Variants in NOS1AP observed in about 807,000 individuals in gnomAD.
NOS1AP encodes nitric oxide synthase 1 adaptor protein.
In NOS1AP, 21 loss-of-function variants were observed where a neutral mutation model predicts 56.2. That is an observed-to-expected ratio of 0.37 (90% CI 0.26 to 0.54). The LOEUF (loss-of-function observed/expected upper bound fraction) is 0.54. Ranked by LOEUF, NOS1AP falls within the 20% of genes least tolerant of loss-of-function variation. NOS1AP has a pLI of 0.84. For synonymous variants in NOS1AP, 270 were observed against 274.6 expected (o/e 0.98, Z 0.17); for missense variants, 522 against 657.8 (o/e 0.79, Z 2.26).
chr1:162,130,467 A>G (rs753192315), intron 1 of NOS1AP, among the ~76,000 whole-genome samples: 5 of 152,222 alleles, frequency 3.3e-5, no homozygotes, highest in African/African-American at 7.2e-5. Context: ...GGTGTTGAGC[A>G]TTCAGCTGCC....
At chr1:162,240,877 C>T (rs528831294) in intron 2 of NOS1AP, among the ~76,000 whole-genome samples, 7 of 152,272 alleles carry the variant, frequency 4.6e-5, no homozygotes, top group South Asian at 4.1e-4. Context: ...GGGATACAGA[C>T]GTGTCAAGGG....
At chr1:162,098,461 C>A (rs1180393621) in intron 1 of NOS1AP, among the ~76,000 whole-genome samples, 1 of 150,848 alleles carries the variant, frequency 6.6e-6, no homozygotes, top group African/African-American at 2.4e-5. Context: ...TTTGTAGGTG[C>A]CTTACAGTTT....
At chr1:162,317,302 G>A (rs1271367019) in intron 4 of NOS1AP, 2 of 152,296 alleles carry the variant, frequency 1.3e-5, no homozygotes, top group Non-Finnish European at 2.9e-5. Flanking sequence ...GGCCAGTGGT[G>A]TGTCCTCAGA....
At chr1:162,125,454 G>A (rs983990469) in intron 1 of NOS1AP, among the ~76,000 whole-genome samples, 1 of 152,080 alleles carries the variant, frequency 6.6e-6, no homozygotes, top group African/African-American at 2.4e-5. Context: ...TTTATATATG[G>A]TGAGAGATAG....
chr1:162,221,758 G>A (rs991993555), intron 2 of NOS1AP, among the ~76,000 whole-genome samples: 1 of 152,144 alleles, frequency 6.6e-6, no homozygotes, highest in Non-Finnish European at 1.5e-5. Flanking sequence ...ATTTAACACA[G>A]TATTTGGAAT....
rs144638420 is a variant in NOS1AP, at chr1:162,170,873, AG to A, written c.177+16399del. 2.2e-3 allele frequency among the ~76,000 whole-genome samples: 333 copies of A among 151,864 alleles called. 3 individuals are homozygous for A. Among genetic ancestry groups the A allele is most frequent in the African/African-American group, 7.5e-3 (311 of 41,392 alleles). ...AGAATCGCTTGAACCAGGGAGGCGG[AG>A]GTTGCAGTGAGCTGAGATTGTGCCA... On this transcript the variant is annotated intron_variant, in intron 2 of 9. Coordinates refer to ENST00000361897, the MANE Select transcript of NOS1AP (RefSeq NM_014697.3).
intron 1 of NOS1AP, among the ~76,000 whole-genome samples, chr1:162,104,162 A>C (rs1558100140): frequency 6.6e-6 from 1 of 152,176 alleles, no homozygotes; most frequent in Non-Finnish European, 1.5e-5. Flanking sequence ...TCCTTTGCGT[A>C]TGAAGCTTAG....
chr1:162,109,548 A>C (rs886821563), intron 1 of NOS1AP, among the ~76,000 whole-genome samples: 2 of 152,190 alleles, frequency 1.3e-5, no homozygotes, highest in Non-Finnish European at 2.9e-5. Context: ...GTGGTGACTG[A>C]AACTGAGTAA....
At chr1:162,339,574 T>G (rs12048687) in intron 5 of NOS1AP, among the ~76,000 whole-genome samples, 42,144 of 152,064 alleles carry the variant, frequency 0.28, 6,243 homozygotes, top group East Asian at 0.53. Flanking sequence ...GAGCAACTGC[T>G]TCACTGTGAT....
rs576555788 is a variant in NOS1AP at position 162,171,810 on chromosome 1, C to T, written c.177+17334C>T. ...TCTCTTCTCTCTTGTCATGCTTCTC[C>T]TCATGGCCATAGAACAACCAGCTGT... On this transcript the variant is annotated intron_variant, in intron 2 of 9. Coordinates refer to ENST00000361897, the MANE Select transcript of NOS1AP (RefSeq NM_014697.3). Among the ~76,000 whole-genome samples the T allele has an allele frequency of 2.6e-5, 4 of 152,260 alleles. 1 individual carries two copies. In the East Asian group the frequency reaches 7.7e-4, roughly 29 times the overall value.
At chr1:162,159,985 C>T (rs983196649) in intron 2 of NOS1AP, among the ~76,000 whole-genome samples, 29 of 152,134 alleles carry the variant, frequency 1.9e-4, no homozygotes, top group African/African-American at 6.0e-4. Flanking sequence ...CAGTGCTGTC[C>T]GTGAGGCTGG....
intron 2 of NOS1AP, among the ~76,000 whole-genome samples, chr1:162,228,542 C>T (rs1394120801): frequency 6.6e-5 from 10 of 152,198 alleles, no homozygotes; most frequent in Admixed American, 2.0e-4. Flanking sequence ...GTTCAAGACT[C>T]GCCAAGGAGG....
intron 2 of NOS1AP, among the ~76,000 whole-genome samples, chr1:162,284,597 G>GC (rs34802488): frequency 0.65 from 98,910 of 152,060 alleles, 32,764 homozygotes; most frequent in Non-Finnish European, 0.73. Context: ...CAGTGACTGT[G>GC]CCCACAGACC....
chr1:162,196,820 T>A (rs1046777517), intron 2 of NOS1AP, among the ~76,000 whole-genome samples: 2 of 152,252 alleles, frequency 1.3e-5, no homozygotes, highest in Non-Finnish European at 2.9e-5. Flanking sequence ...TGCCTGGCAC[T>A]TGGCAGATGG....
At chr1:162,210,079 G>C (rs1444283542) in intron 2 of NOS1AP, among the ~76,000 whole-genome samples, 5 of 152,194 alleles carry the variant, frequency 3.3e-5, no homozygotes, top group Non-Finnish European at 5.9e-5. Context: ...CTTGTGAAAG[G>C]AGAAGGAAGA....
intron 2 of NOS1AP, among the ~76,000 whole-genome samples, chr1:162,174,118 A>G (rs1412533777): frequency 1.3e-5 from 2 of 152,196 alleles, no homozygotes; most frequent in Admixed American, 6.5e-5. Context: ...ACGTATGTTT[A>G]TTGCGGCACT....
At chr1:162,307,627 C>T (rs1392078693) in intron 4 of NOS1AP, among the ~76,000 whole-genome samples, 1 of 152,036 alleles carries the variant, frequency 6.6e-6, no homozygotes, top group Non-Finnish European at 1.5e-5. Flanking sequence ...CAGGGTGAAA[C>T]CCAGCCTCTA....
intron 6 of NOS1AP, among the ~76,000 whole-genome samples, chr1:162,352,503 C>T (rs116116347): frequency 0.011 from 1,700 of 151,500 alleles, 38 homozygotes; most frequent in African/African-American, 0.039. Flanking sequence ...TCCATTCATG[C>T]ACTATAGTAA....
intron 1 of NOS1AP, among the ~76,000 whole-genome samples, chr1:162,144,477 A>G (rs540329930): frequency 6.6e-6 from 1 of 152,212 alleles, no homozygotes; most frequent in Non-Finnish European, 1.5e-5. Flanking sequence ...TTGTTCACCT[A>G]TCCATTCCTG....
Sources: gnomAD v4.1 joint callset for allele counts (sites outside exome capture counted in the v4.1 genomes callset) on GRCh38, gnomAD v4.1.1 for gene constraint, MANE v1.5 for transcripts, NCBI Gene and HGNC (gene_info 2026-07-23, HGNC 2026-07-21) for gene names.